Variants in SLC6A11 observed in about 807,000 individuals in gnomAD.
SLC6A11 encodes sodium- and chloride-dependent GABA transporter 3.
A neutral mutation model predicts 74.8 loss-of-function variants in SLC6A11; 25 were observed. That is an observed-to-expected ratio of 0.33 (90% CI 0.24 to 0.47). The LOEUF is 0.47. Among genes scored for constraint, SLC6A11 ranks in the 20% least tolerant of loss-of-function variants. SLC6A11 has a pLI of 1.00. For synonymous variants in SLC6A11, 330 were observed against 330.2 expected, an observed-to-expected ratio of 1.00 and a Z score of 0.01; for missense variants, 574 against 837.0, an observed-to-expected ratio of 0.69 and a Z score of 3.88.
chr3:10,883,445 T>C (rs1052735002), intron 6 of SLC6A11, among the ~76,000 whole-genome samples: 4 of 152,162 alleles, frequency 2.6e-5, no homozygotes, highest in African/African-American at 9.7e-5. Flanking sequence ...CAGATCCAAA[T>C]GGTGGGGTCT....
chr3:10,835,365 C>T (rs1694353236), intron 4 of SLC6A11, among the ~76,000 whole-genome samples: 1 of 152,176 alleles, frequency 6.6e-6, no homozygotes, highest in African/African-American at 2.4e-5. Context: ...CCACGTTCTG[C>T]GAGAGAGAAT....
intron 6 of SLC6A11, among the ~76,000 whole-genome samples, chr3:10,910,859 A>G (rs1234403748): frequency 1.5e-5 from 2 of 131,886 alleles, no homozygotes; most frequent in African/African-American, 2.9e-5. Context: ...GTCTTGCTCC[A>G]TCACAAAGGC....
intron 5 of SLC6A11, among the ~76,000 whole-genome samples, chr3:10,855,940 G>A (rs1355919407): frequency 1.3e-5 from 2 of 152,194 alleles, no homozygotes; most frequent in Non-Finnish European, 2.9e-5. Flanking sequence ...TTGCATGCCA[G>A]GGACTCTTAG....
In SLC6A11 at chr3:10,894,685, G is replaced by A. The variant is rs112479065; in HGVS notation, c.892-17405G>A. On this transcript the variant is annotated intron_variant, in intron 6 of 13. Transcript: ENST00000254488. ...TTGGGTCAAAGGATATAAGATGTCA[G>A]TGCCACAGGTGGAATGAGTTCACGT... 4.1e-3 allele frequency among the ~76,000 whole-genome samples: 624 copies of A among 152,324 alleles called. 5 individuals carry two copies. The highest frequency in any genetic ancestry group is 0.014 in the African/African-American group (602 of 41,556).
At chr3:10,937,069 G>A (rs1242150951) in intron 13 of SLC6A11, among the ~76,000 whole-genome samples, 1 of 152,270 alleles carries the variant, frequency 6.6e-6, no homozygotes, top group African/African-American at 2.4e-5. Flanking sequence ...GAAGGATCTA[G>A]AGGGAAAAAT....
At position 10,838,308 on chromosome 3, in the gene SLC6A11, A is replaced by G. The variant is rs74669735; in HGVS notation, c.624-5906A>G. On this transcript the variant is annotated intron_variant, in intron 4 of 13. Transcript: ENST00000254488. ...CTCAGCAGCTGTGTGTGAGCTGCCC[A>G]GAGGGAACATGTGTGGGATTCCAGC... Among the ~76,000 whole-genome samples, 360 of 152,244 alleles carry G rather than the reference A, an allele frequency of 2.4e-3. 13 individuals carry two copies. The East Asian group carries it at 0.058, about 24-fold the overall frequency.
chr3:10,927,587 A>T (rs577800700), intron 9 of SLC6A11, among the ~76,000 whole-genome samples: 1 of 152,254 alleles, frequency 6.6e-6, no homozygotes, highest in African/African-American at 2.4e-5. Flanking sequence ...GTGTCTCATC[A>T]GTTTCAATCC....
intron 5 of SLC6A11, among the ~76,000 whole-genome samples, chr3:10,848,214 A>C (rs764718352): frequency 2.6e-5 from 4 of 152,182 alleles, no homozygotes; most frequent in African/African-American, 9.7e-5. Flanking sequence ...CTGGCCTTTC[A>C]TCAGTAGACC....
chr3:10,851,960 A>G (rs1472874058), intron 5 of SLC6A11, among the ~76,000 whole-genome samples: 1 of 152,258 alleles, frequency 6.6e-6, no homozygotes, highest in Non-Finnish European at 1.5e-5. Context: ...GAGAGCCATC[A>G]GGAGCCCCAC....
At chr3:10,880,952 C>A (rs1038607385) in intron 6 of SLC6A11, among the ~76,000 whole-genome samples, 7 of 152,188 alleles carry the variant, frequency 4.6e-5, no homozygotes, top group Non-Finnish European at 8.8e-5. Flanking sequence ...AGTCTCACCT[C>A]TTCTGGGGTT....
chr3:10,877,769 G>T (rs949165491), intron 6 of SLC6A11, among the ~76,000 whole-genome samples: 1 of 152,162 alleles, frequency 6.6e-6, no homozygotes, highest in African/African-American at 2.4e-5. Context: ...CACTACAAAT[G>T]GGCCCGACTT....
intron 6 of SLC6A11, among the ~76,000 whole-genome samples, chr3:10,897,958 A>G (rs916496079): frequency 6.6e-6 from 1 of 152,172 alleles, no homozygotes; most frequent in Non-Finnish European, 1.5e-5. Context: ...CCAAACCCCA[A>G]TTCTTGATTT....
At chr3:10,823,193 G>T (rs767405755) in intron 3 of SLC6A11, 109 bp from the exon 4 acceptor site, 2 of 734,816 alleles carry the variant, frequency 2.7e-6, no homozygotes, top group South Asian at 1.5e-5. Flanking sequence ...TGTTTACCTG[G>T]AGTGGGTAGA....
At chr3:10,854,384 C>T (rs1694613323) in intron 5 of SLC6A11, among the ~76,000 whole-genome samples, 1 of 151,938 alleles carries the variant, frequency 6.6e-6, no homozygotes, top group Non-Finnish European at 1.5e-5. Flanking sequence ...AGTGAAACTC[C>T]ATCTCAAAAA....
chr3:10,867,613 G>A (rs1305405436), intron 5 of SLC6A11, among the ~76,000 whole-genome samples: 1 of 152,198 alleles, frequency 6.6e-6, no homozygotes, highest in African/African-American at 2.4e-5. Context: ...GAGCAAGGAA[G>A]GACCTCAGAA....
chr3:10,926,178 G>A lies in SLC6A11; in HGVS notation c.1233+62G>A, dbSNP rs41304868. 12,368 of 1,125,222 alleles carry A rather than the reference G, an allele frequency of 0.011. 113 individuals are homozygous for A. The highest frequency in any genetic ancestry group is 0.013 in the Non-Finnish European group (9,764 of 759,050). The allele number at this position is 1,125,222 out of a possible 1,614,324, so 69.7% of individuals were successfully genotyped here. ...GGGAGCCTGGGCCAGGAGGCCAGAC[G>A]CCACCCTTAGGAGTGGCTCCCCAGG... is the stretch of plus-strand genomic sequence containing the variant. On this transcript the variant is annotated intron_variant, in intron 9 of 13. Transcript: ENST00000254488. This position sits in a 1 kb window ranked among gnomAD's most constrained non-coding sequence, Gnocchi z 5.7.
intron 8 of SLC6A11, among the ~76,000 whole-genome samples, chr3:10,925,514 G>A (rs1695592037): frequency 1.3e-5 from 2 of 152,158 alleles, no homozygotes; most frequent in Non-Finnish European, 2.9e-5. Flanking sequence ...ACAAGGGAGT[G>A]TAGACCTGGA....
At chr3:10,817,001 G>T (rs1401405037) in intron 1 of SLC6A11, among the ~76,000 whole-genome samples, 1 of 152,202 alleles carries the variant, frequency 6.6e-6, no homozygotes, top group African/African-American at 2.4e-5. Context: ...GTAGGCAGGG[G>T]TCTACCCATT....
At chr3:10,817,054 C>G (rs1327435030) in intron 1 of SLC6A11, among the ~76,000 whole-genome samples, 1 of 152,122 alleles carries the variant, frequency 6.6e-6, no homozygotes, top group Admixed American at 6.5e-5. Flanking sequence ...CTCACTCGAC[C>G]AAAAATAAAG....
Sources: gnomAD v4.1 joint callset for allele counts (sites outside exome capture counted in the v4.1 genomes callset) on GRCh38, gnomAD v4.1.1 for gene constraint, Gnocchi (gnomAD v3.1) non-coding constraint, MANE v1.5 for transcripts, NCBI Gene and HGNC (gene_info 2026-07-23, HGNC 2026-07-21) for gene names.